The following ZFP69 variants were observed in gnomAD, a reference collection of about 807,000 sequenced individuals.
The protein encoded by ZFP69 is ZFP69 zinc finger protein, also known as zinc finger protein 69 homolog.
Under a neutral mutation model 48.9 loss-of-function variants are expected in ZFP69, and 35 were observed. The ratio of observed to expected loss-of-function variants is 0.72; its 90% CI spans 0.55 to 0.95. ZFP69 has a LOEUF of 0.95. ZFP69 is among the 40% of genes least tolerant of loss of function. ZFP69 has a pLI of 0.00. For missense variants in ZFP69, 557 were observed against 638.4 expected, an observed-to-expected ratio of 0.87 and a Z score of 1.37; for synonymous variants, 193 against 216.8, an observed-to-expected ratio of 0.89 and a Z score of 0.96.
chr1:40,485,688 T>C (rs1015391359), intron 3 of ZFP69, among the ~76,000 whole-genome samples: 4 of 152,220 alleles, frequency 2.6e-5, no homozygotes, highest in Non-Finnish European at 4.4e-5. Flanking sequence ...ATTCTCACTT[T>C]TATTGATCTA....
At chr1:40,493,840 A>C (rs1645593856) in intron 5 of ZFP69, among the ~76,000 whole-genome samples, 2 of 152,228 alleles carry the variant, frequency 1.3e-5, no homozygotes, top group South Asian at 4.1e-4. Context: ...GTCAGTTGAA[A>C]TATTAGTAAT....
chr1:40,484,053 C>A (rs1439469001), intron 3 of ZFP69, among the ~76,000 whole-genome samples: 1 of 151,872 alleles, frequency 6.6e-6, no homozygotes, highest in Non-Finnish European at 1.5e-5. Flanking sequence ...CTAGCCTGGG[C>A]AACAAGAGCA....
rs919035914 is a variant in ZFP69 at position 40,488,510 on chromosome 1, T to C, written c.220-578T>C. ...TTGTGACAATAAGTGCGTGAGGTGG[T>C]GGGGGAACCCCTATCCCACCCTGTT... On this transcript the variant is annotated intron_variant, in intron 3 of 5. Coordinates refer to ENST00000372706, the MANE Select transcript of ZFP69 (RefSeq NM_001320179.2). 2.6e-5 allele frequency among the ~76,000 whole-genome samples: 4 copies of C among 152,326 alleles called. No individual in the cohort carries two copies. In the East Asian group the frequency reaches 5.8e-4, roughly 22 times the overall value.
chr1:40,478,926 T>C (rs577563310), intron 1 of ZFP69, 110 bp from the exon 2 acceptor site: 5 of 183,410 alleles, frequency 2.7e-5, no homozygotes, highest in East Asian at 3.4e-4. Flanking sequence ...TGTTTGTGTA[T>C]GTATGTATAG....
chr1:40,491,785 G>GTGTGTGTATA (rs1553129570), intron 5 of ZFP69, among the ~76,000 whole-genome samples: 1 of 148,752 alleles, frequency 6.7e-6, no homozygotes, highest in African/African-American at 2.5e-5. Context: ...GTGTGTGTGT[G>GTGTGTGTATA]TATATATATA....
intron 3 of ZFP69, among the ~76,000 whole-genome samples, chr1:40,487,218 C>T (rs562346400): frequency 2.1e-4 from 32 of 152,262 alleles, no homozygotes; most frequent in Non-Finnish European, 3.8e-4. Context: ...CCACTGCGCC[C>T]GGCCTACAGT....
Position 40,489,396 on chromosome 1 carries a change from C to T in ZFP69, c.347-133C>T, listed in dbSNP as rs538564542. On this transcript the variant is annotated intron_variant, in intron 4 of 5. Coordinates refer to ENST00000372706, the MANE Select transcript of ZFP69 (RefSeq NM_001320179.2). The stretch of plus-strand genomic sequence containing the variant: ...ACTTTCTTGGGGAACAACTTTACTA[C>T]ACATAGTTAGGATAGAAAGACCCAC... The T allele has an allele frequency of 5.4e-6, 6 of 1,113,648 alleles. No individual in the cohort carries two copies. The East Asian group carries it at 1.2e-4, about 23-fold the overall frequency. 69.0% of individuals were successfully genotyped at this position (1,113,648 alleles called of 1,614,324 possible). A position where few individuals can be genotyped will look rare whatever the true frequency, so the allele number is the denominator to read the frequency against.
rs1645542571 is a variant in ZFP69 at position 40,489,602 on chromosome 1, A to C, written c.420A>C (p.Glu140Asp). ...AAGAGCCATGGATGGCAGAGAAAGA[A>C]GGCCCAGGAGATCCCAGTTCAGGTG... ...KGEEPWMAEK[E>D]GPGDPSSDLK... is the part of the protein sequence containing the mutation. Residue 140 changes from glutamate to aspartate, a missense_variant, in exon 5 of 6, where the codon GAA (glutamate) becomes GAC (aspartate). By Grantham distance (45) the Glu-to-Asp change is conservative. Coordinates refer to ENST00000372706, the MANE Select transcript of ZFP69 (RefSeq NM_001320179.2). The C allele has an allele frequency of 6.2e-7, 1 of 1,613,502 alleles. No individual in the cohort carries two copies. Among genetic ancestry groups the C allele is most frequent in the African/African-American group, 1.3e-5 (1 of 74,878 alleles).
Position 40,495,543 on chromosome 1 carries a change from T to C in ZFP69, c.1065T>C (p.Tyr355=), listed in dbSNP as rs1229126456. The C allele has an allele frequency of 3.7e-6, 6 of 1,614,068 alleles. No individual in the cohort carries two copies. Among genetic ancestry groups the C allele is most frequent in the Admixed American group, 3.3e-5 (2 of 60,004 alleles). The change falls in exon 6 of 6, where the codon TAT becomes TAC. Residue 355 remains tyrosine, a synonymous_variant. Transcript: ENST00000372706. The part of the protein sequence containing the change: ...HHRTHTGEKP[Y]VCDKCQKAFS... ...GAACTCACACTGGGGAGAAACCCTATGTATGTGATAAATGTCAGAAAGCTT... is the reference window on the plus strand; with the variant it reads ...GAACTCACACTGGGGAGAAACCCTACGTATGTGATAAATGTCAGAAAGCTT...
In ZFP69 at chr1:40,494,990, A is replaced by G. The variant is rs1273652120; in HGVS notation, c.512A>G (p.His171Arg). Residue 171 changes from histidine (H) to arginine (R), a missense_variant, in exon 6 of 6, where the codon CAT (histidine) becomes CGT (arginine). Physicochemically the swap from His to Arg is conservative, Grantham distance 29. Coordinates refer to ENST00000372706, the MANE Select transcript of ZFP69 (RefSeq NM_001320179.2). ...KSTISQERLY[H>R]GIMMESFMRD... ...ACCATTTCACAGGAGCGCTTATATC[A>G]TGGCATTATGATGGAAAGTTTCATG... The G allele has an allele frequency of 6.2e-7, 1 of 1,613,546 alleles. No individual in the cohort carries two copies.
chr1:40,489,066 A>C, intron 3 of ZFP69, 22 bp from the exon 4 acceptor site: 1 of 1,613,796 alleles, frequency 6.2e-7, no homozygotes, highest in Non-Finnish European at 8.5e-7. Flanking sequence ...CCGGCTAAAA[A>C]TGAATGTATT....
At chr1:40,484,075 C>CA (rs963610324) in intron 3 of ZFP69, among the ~76,000 whole-genome samples, 5 of 151,412 alleles carry the variant, frequency 3.3e-5, no homozygotes, top group African/African-American at 9.7e-5. Context: ...AACTCCGTCT[C>CA]AAAAAAAATA....
At chr1:40,479,590 T>C in intron 2 of ZFP69, 102 bp downstream of exon 2, 1 of 1,368,490 alleles carries the variant, frequency 7.3e-7, no homozygotes, top group Non-Finnish European at 9.7e-7. Flanking sequence ...AGAGAAGGTC[T>C]CTGGGGGTTC....
In ZFP69 at chr1:40,495,490, C is replaced by T; in HGVS notation, c.1012C>T (p.His338Tyr). ...TGAGGAATGTGGGAAAGCCTTCAGA[C>T]ATCGCTCATCACTTAATCAGCATCA... ...ECEECGKAFRHRSSLNQHHRT... is the reference protein window; with the variant it reads ...ECEECGKAFRYRSSLNQHHRT... The change falls in exon 6 of 6, where the codon CAT becomes TAT. Residue 338 changes from histidine (H) to tyrosine (Y), a missense_variant. Transcript: ENST00000372706. 1.2e-6 allele frequency: 2 copies of T among 1,614,100 alleles called. No homozygotes were observed. Among genetic ancestry groups the T allele is most frequent in the Non-Finnish European group, 1.7e-6 (2 of 1,179,990 alleles).
chr1:40,494,299 C>T (rs1272681842), intron 5 of ZFP69, among the ~76,000 whole-genome samples: 12 of 109,214 alleles, frequency 1.1e-4, no homozygotes, highest in South Asian at 3.0e-4. Flanking sequence ...GACGGAGTCT[C>T]GCTCTGTCGC....
intron 3 of ZFP69, among the ~76,000 whole-genome samples, chr1:40,485,238 CATATT>C (rs1158634502): frequency 2.6e-5 from 4 of 152,050 alleles, no homozygotes; most frequent in African/African-American, 7.2e-5. Flanking sequence ...TAAAAACAAT[CATATT>C]ATATGTGAGG....
At chr1:40,484,399 A>T (rs1481356884) in intron 3 of ZFP69, among the ~76,000 whole-genome samples, 1 of 151,752 alleles carries the variant, frequency 6.6e-6, no homozygotes, top group Admixed American at 6.6e-5. Context: ...GGGTTTCACC[A>T]TGTTGGCTAG....
rs758202634 is a variant in ZFP69, at chr1:40,489,137, G to C, written c.269G>C (p.Trp90Ser). ...TCTATTGACTTCACCCAGGAAGAGTGGGGGCAGCTGGCTCCTGCTCACCAG... is the reference window on the plus strand; with the variant it reads ...TCTATTGACTTCACCCAGGAAGAGTCGGGGCAGCTGGCTCCTGCTCACCAG... The part of the protein sequence containing the change: ...DISIDFTQEE[W>S]GQLAPAHQNL... The change falls in exon 4 of 6, where the codon TGG becomes TCG. Residue 90 changes from tryptophan to serine, a missense_variant. By Grantham distance (177) the Trp-to-Ser change is radical. Transcript: ENST00000372706. The C allele has an allele frequency of 5.6e-6, 9 of 1,613,874 alleles. No homozygotes were observed. The East Asian group carries it at 1.8e-4, about 32-fold the overall frequency.
chr1:40,487,000 C>T (rs922094159), intron 3 of ZFP69, among the ~76,000 whole-genome samples: 5 of 150,596 alleles, frequency 3.3e-5, no homozygotes, highest in East Asian at 2.0e-4. Context: ...TCTCGGCTCA[C>T]TGCAACCTCC....
Sources: gnomAD v4.1 joint callset for allele counts (sites outside exome capture counted in the v4.1 genomes callset) on GRCh38, gnomAD v4.1.1 for gene constraint, MANE v1.5 for transcripts, NCBI Gene and HGNC (gene_info 2026-07-23, HGNC 2026-07-21) for gene names.